SRGAP2: variants seen among roughly 807,000 people sequenced by gnomAD.
SRGAP2 encodes the protein SLIT-ROBO Rho GTPase-activating protein 2.
A neutral mutation model predicts 57.2 loss-of-function variants in SRGAP2; 15 were observed. The ratio of observed to expected loss-of-function variants is 0.26; its 90% CI spans 0.18 to 0.40. The LOEUF (loss-of-function observed/expected upper bound fraction) is 0.40, where lower values mean the gene tolerates loss of function less well. Ranked by LOEUF, SRGAP2 falls within the 10% of genes least tolerant of loss-of-function variation. SRGAP2 has a pLI of 1.00. For synonymous variants in SRGAP2, 249 were observed against 248.0 expected (o/e 1.00, Z -0.04); for missense variants, 520 against 669.6 (o/e 0.78, Z 2.47).
chr1:206,306,557 G>A (rs1289311499), intron 3 of SRGAP2, among the ~76,000 whole-genome samples: 1 of 152,120 alleles, frequency 6.6e-6, no homozygotes, highest in Non-Finnish European at 1.5e-5. Context: ...GGACCCGAGC[G>A]GGTTGCCAAT....
chr1:206,415,098 A>AATG (rs1454867676), intron 10 of SRGAP2, among the ~76,000 whole-genome samples: 7 of 152,134 alleles, frequency 4.6e-5, no homozygotes, highest in Non-Finnish European at 7.3e-5. Context: ...GTAAAATGGA[A>AATG]ATGATGATGA....
intron 4 of SRGAP2, among the ~76,000 whole-genome samples, chr1:206,348,218 C>G (rs1675789594): frequency 1.3e-5 from 2 of 151,714 alleles, no homozygotes; most frequent in Non-Finnish European, 2.9e-5. Flanking sequence ...CTGACTTTGT[C>G]TAGGACGAGA....
chr1:206,321,177 T>TA (rs782700069), intron 3 of SRGAP2, among the ~76,000 whole-genome samples: 24 of 146,298 alleles, frequency 1.6e-4, no homozygotes, highest in Non-Finnish European at 3.2e-4. Context: ...CGTTATTTTG[T>TA]AGAATGTCCC....
At chr1:206,333,231 A>G in intron 3 of SRGAP2, 1 of 711,344 alleles carries the variant, frequency 1.4e-6, no homozygotes, top group Non-Finnish European at 2.5e-6. Context: ...GGAAATGCAG[A>G]AATCACCCGT....
At chr1:206,429,250 G>A (rs1464995221) in intron 13 of SRGAP2, among the ~76,000 whole-genome samples, 1 of 152,188 alleles carries the variant, frequency 6.6e-6, no homozygotes, top group African/African-American at 2.4e-5. Context: ...CTTAGTACCT[G>A]TTAGTCCCCA....
At chr1:206,262,832 A>AG (rs1669644449) in intron 2 of SRGAP2, among the ~76,000 whole-genome samples, 1 of 128,722 alleles carries the variant, frequency 7.8e-6, no homozygotes. Flanking sequence ...TGGTAAAAAA[A>AG]TAAATGTATG....
At chr1:206,309,636 G>T (rs1160440498) in intron 3 of SRGAP2, among the ~76,000 whole-genome samples, 1 of 152,016 alleles carries the variant, frequency 6.6e-6, no homozygotes, top group Admixed American at 6.5e-5. Flanking sequence ...TGGCATTCAC[G>T]ATAGAAGTGG....
chr1:206,272,712 A>AT (rs1670193863), intron 2 of SRGAP2, among the ~76,000 whole-genome samples: 1 of 152,112 alleles, frequency 6.6e-6, no homozygotes, highest in African/African-American at 2.4e-5. Context: ...GTGCCCAGCA[A>AT]TTTTTTTCTT....
chr1:206,422,834 A>G (rs745684702), intron 13 of SRGAP2, among the ~76,000 whole-genome samples: 2 of 152,230 alleles, frequency 1.3e-5, no homozygotes, highest in African/African-American at 4.8e-5. Flanking sequence ...CGTAGGAGTT[A>G]CAAGATATAC....
Position 206,436,993 on chromosome 1 carries a change from G to A in SRGAP2, c.1584G>A (p.Val528=), listed in dbSNP as rs782141818. 2 of 780,782 alleles carry A rather than the reference G, an allele frequency of 2.6e-6. No individual in the cohort carries two copies. The highest frequency in any genetic ancestry group is 1.7e-5 in the Admixed American group (1 of 59,040). 48.4% of individuals were successfully genotyped at this position (780,782 alleles called of 1,614,324 possible). A position where few individuals can be genotyped will look rare whatever the true frequency, so the allele number is the denominator to read the frequency against. ...HGLQHEGIFR[V]SGSQVEVNDI... is the part of the protein sequence containing the mutation. Reference sequence around the variant, plus strand: ...TACAGCATGAAGGAATTTTCCGGGTGTCAGGATCCCAGGTGGAAGTGAATG... The same window carrying A: ...TACAGCATGAAGGAATTTTCCGGGTATCAGGATCCCAGGTGGAAGTGAATG... The change falls in exon 15 of 23, where the codon GTG becomes GTA. Residue 528 remains valine, a synonymous_variant. Transcript: ENST00000573034.
At chr1:206,205,062 CG>C (rs1260852277) in intron 1 of SRGAP2, 1 of 151,950 alleles carries the variant, frequency 6.6e-6, no homozygotes, top group Non-Finnish European at 1.5e-5. Context: ...GTGCCCCGGC[CG>C]GGGGTCTGGG....
intron 2 of SRGAP2, among the ~76,000 whole-genome samples, chr1:206,292,661 C>G (rs1239333984): frequency 1.4e-5 from 2 of 147,862 alleles, no homozygotes; most frequent in Non-Finnish European, 3.0e-5. Context: ...CCTATCTCTC[C>G]TTGCTTTGCT....
At chr1:206,369,302 A>G (rs1553342199) in intron 4 of SRGAP2, among the ~76,000 whole-genome samples, 1 of 152,136 alleles carries the variant, frequency 6.6e-6, no homozygotes, top group African/African-American at 2.4e-5. Context: ...TAAAACTCTT[A>G]GAAGAAAATA....
Position 206,303,312 on chromosome 1 carries a change from A to G in SRGAP2, c.99A>G (p.Lys33=). 1.4e-6 allele frequency: 2 copies of G among 1,435,246 alleles called. No homozygotes were observed. The highest frequency in any genetic ancestry group is 1.9e-6 in the Non-Finnish European group (2 of 1,077,002). The allele number at this position is 1,435,246 out of a possible 1,614,324, so 88.9% of individuals were successfully genotyped here. A position where few individuals can be genotyped will look rare whatever the true frequency, so the allele number is the denominator to read the frequency against. ...EIRAQLTEQM[K]CLDQQCELRV... Reference sequence around the variant, plus strand: ...GTGCTCAGCTCACAGAGCAGATGAAATGCCTGGACCAGCAGTGTGAGCTTC... The same window carrying G: ...GTGCTCAGCTCACAGAGCAGATGAAGTGCCTGGACCAGCAGTGTGAGCTTC... Residue 33 remains lysine, a synonymous_variant, in exon 3 of 23, where the codon AAA becomes AAG. Transcript: ENST00000573034.
At chr1:206,441,989 A>T (rs1255572526) in intron 17 of SRGAP2, among the ~76,000 whole-genome samples, 5 of 152,246 alleles carry the variant, frequency 3.3e-5, no homozygotes, top group African/African-American at 9.6e-5. Flanking sequence ...GTTTTTGCAC[A>T]TATTTCTTTG....
At chr1:206,227,295 C>T (rs1377646684) in intron 2 of SRGAP2, among the ~76,000 whole-genome samples, 20 of 152,228 alleles carry the variant, frequency 1.3e-4, no homozygotes, top group East Asian at 5.8e-4. Context: ...AATGAATGAA[C>T]GAATGAAATT....
intron 4 of SRGAP2, among the ~76,000 whole-genome samples, chr1:206,373,104 T>TC (rs1327427158): frequency 2.4e-5 from 3 of 123,406 alleles, no homozygotes; most frequent in African/African-American, 1.1e-4. Flanking sequence ...TTTTTCTTTT[T>TC]TTTTTTTTTT....
chr1:206,448,294 C>G (rs1331034261), intron 18 of SRGAP2, among the ~76,000 whole-genome samples: 1 of 152,136 alleles, frequency 6.6e-6, no homozygotes, highest in African/African-American at 2.4e-5. Flanking sequence ...AGAGGAGAGA[C>G]AAATCCATTT....
intron 15 of SRGAP2, chr1:206,437,558 T>G: frequency 5.3e-6 from 1 of 190,442 alleles, no homozygotes. Context: ...TAAGTAGGTG[T>G]TCTTGGTTGC....
Sources: allele counts gnomAD v4.1 joint callset (sites outside exome capture counted in the v4.1 genomes callset), GRCh38; gene constraint gnomAD v4.1.1; transcripts MANE v1.5; gene names NCBI Gene and HGNC (gene_info 2026-07-23, HGNC 2026-07-21).